PITPNM3: variants seen among roughly 807,000 people sequenced by gnomAD.
PITPNM3 encodes PITPNM family member 3.
A neutral mutation model predicts 102.0 loss-of-function variants in PITPNM3; 26 were observed. The ratio of observed to expected loss-of-function variants is 0.25; its 90% CI spans 0.19 to 0.35. The LOEUF (loss-of-function observed/expected upper bound fraction) is 0.35, where lower values mean the gene tolerates loss of function less well. Among genes scored for constraint, PITPNM3 ranks in the 10% least tolerant of loss-of-function variants. The pLI is 1.00. For missense variants in PITPNM3, 1,083 were observed against 1,346.1 expected, an observed-to-expected ratio of 0.80 and a Z score of 3.06; for synonymous variants, 578 against 558.6, an observed-to-expected ratio of 1.03 and a Z score of -0.49.
intron 4 of PITPNM3, among the ~76,000 whole-genome samples, chr17:6,499,321 A>G (rs1442643374): frequency 6.6e-6 from 1 of 152,198 alleles, no homozygotes; most frequent in East Asian, 1.9e-4. Context: ...ACTGCAGACA[A>G]GCCCTTGCAA....
intron 4 of PITPNM3, among the ~76,000 whole-genome samples, chr17:6,501,407 G>A (rs8064810): frequency 0.47 from 71,173 of 151,930 alleles, 16,887 homozygotes; most frequent in Middle Eastern, 0.66. Context: ...ATAGGCAAAT[G>A]AACCAGGCCC....
chr17:6,523,805 G>GC (rs1002961740), intron 3 of PITPNM3, among the ~76,000 whole-genome samples: 5 of 152,194 alleles, frequency 3.3e-5, no homozygotes, highest in South Asian at 2.1e-4. Context: ...CAGAGTCAGA[G>GC]CCCCCCCTTC....
chr17:6,542,150 G>C (rs1399637697), intron 1 of PITPNM3, among the ~76,000 whole-genome samples: 1 of 152,226 alleles, frequency 6.6e-6, no homozygotes, highest in African/African-American at 2.4e-5. Flanking sequence ...GCCTGCCCCT[G>C]GCTCCTCATG....
chr17:6,555,343 T>C (rs1270727401), intron 1 of PITPNM3, among the ~76,000 whole-genome samples: 1 of 151,612 alleles, frequency 6.6e-6, no homozygotes, highest in Non-Finnish European at 1.5e-5. Flanking sequence ...GGCTTGGGGG[T>C]GGATTGACAC....
At chr17:6,505,020 A>C (rs1907404220) in intron 3 of PITPNM3, among the ~76,000 whole-genome samples, 2 of 151,946 alleles carry the variant, frequency 1.3e-5, no homozygotes. Flanking sequence ...ACTAAAATAC[A>C]AAAACTAGCC....
intron 1 of PITPNM3, among the ~76,000 whole-genome samples, chr17:6,552,944 G>A (rs1185898243): frequency 1.3e-5 from 2 of 151,920 alleles, no homozygotes; most frequent in Non-Finnish European, 2.9e-5. Flanking sequence ...TTTTGTTTTT[G>A]TATTTTTAGT....
chr17:6,481,853 T>TAGAGAGAGAGAGAGAG (rs369845541), intron 6 of PITPNM3: 9 of 68,520 alleles, frequency 1.3e-4, no homozygotes, highest in African/African-American at 4.7e-4. Flanking sequence ...AATAGAATGA[T>TAGAGAGAGAGAGAGAG]AGAGAGAGAG....
intron 3 of PITPNM3, among the ~76,000 whole-genome samples, chr17:6,506,242 GA>G (rs897564605): frequency 2.1e-4 from 31 of 148,300 alleles, no homozygotes; most frequent in African/African-American, 3.2e-4. Flanking sequence ...TGTTCAAACA[GA>G]AAAAAAAAAT....
At chr17:6,542,077 C>A (rs965192556) in intron 1 of PITPNM3, among the ~76,000 whole-genome samples, 2 of 152,188 alleles carry the variant, frequency 1.3e-5, no homozygotes, top group Admixed American at 6.5e-5. Context: ...CTCTCCATTG[C>A]CCGCTCTCTT....
At chr17:6,555,194 G>A (rs1023995388) in intron 1 of PITPNM3, among the ~76,000 whole-genome samples, 1 of 152,208 alleles carries the variant, frequency 6.6e-6, no homozygotes, top group African/African-American at 2.4e-5. Context: ...CATACTGGCT[G>A]TGCCTCACAC....
intron 3 of PITPNM3, among the ~76,000 whole-genome samples, chr17:6,516,290 G>A (rs1394416875): frequency 3.3e-5 from 5 of 152,160 alleles, no homozygotes; most frequent in African/African-American, 7.2e-5. Context: ...TTGGCCGGGC[G>A]CCGTGGCTCA....
At chr17:6,546,371 C>A (rs1910020742) in intron 1 of PITPNM3, among the ~76,000 whole-genome samples, 1 of 152,354 alleles carries the variant, frequency 6.6e-6, no homozygotes, top group South Asian at 2.1e-4. Context: ...CAGAGGGGAT[C>A]ATCCATCCAT....
At chr17:6,474,714 CCAT>C in intron 9 of PITPNM3, 110 bp from the exon 10 acceptor site, 1 of 1,329,674 alleles carries the variant, frequency 7.5e-7, no homozygotes. Context: ...GCCCAACCCT[CCAT>C]CTCTGGGGCG....
intron 4 of PITPNM3, among the ~76,000 whole-genome samples, chr17:6,490,958 T>C (rs1597380541): frequency 9.4e-6 from 1 of 105,856 alleles, no homozygotes; most frequent in Non-Finnish European, 1.8e-5. Context: ...CAAGACTCTG[T>C]CACCAAAAAA....
At chr17:6,501,177 C>T (rs1907146573) in intron 4 of PITPNM3, among the ~76,000 whole-genome samples, 1 of 152,212 alleles carries the variant, frequency 6.6e-6, no homozygotes, top group African/African-American at 2.4e-5. Context: ...TGCTTCGGGG[C>T]TGCCGCTGTC....
chr17:6,499,539 C>T (rs986573294), intron 4 of PITPNM3, among the ~76,000 whole-genome samples: 1 of 152,154 alleles, frequency 6.6e-6, no homozygotes, highest in African/African-American at 2.4e-5. Flanking sequence ...TAAGATTCAT[C>T]ATCACATGGG....
At chr17:6,548,927 C>T (rs144738552) in intron 1 of PITPNM3, among the ~76,000 whole-genome samples, 4 of 152,238 alleles carry the variant, frequency 2.6e-5, no homozygotes, top group Non-Finnish European at 4.4e-5. Flanking sequence ...AGCTAACAGA[C>T]GGTTACTTCC....
At position 6,482,024 on chromosome 17, in the gene PITPNM3, CTCTCTCTCTCTG is replaced by C. The variant is rs1567670244; in HGVS notation, c.587+1481_587+1492del. ...TCTCTCTCTCTCTCTCTCTCTCTCT[CTCTCTCTCTCTG>C]TCTGTCTCTCTCTCTCTCTCTCTCT... On this transcript the variant is annotated intron_variant, in intron 6 of 19. Coordinates refer to ENST00000262483, the MANE Select transcript of PITPNM3 (RefSeq NM_031220.4). 1.6e-3 allele frequency among the ~76,000 whole-genome samples: 161 copies of C among 100,914 alleles called. 1 individual carries two copies. The highest frequency in any genetic ancestry group is 2.1e-3 in the South Asian group (6 of 2,830). 66.2% of individuals were successfully genotyped at this position (100,914 alleles called of 152,430 possible). A position where few individuals can be genotyped will look rare whatever the true frequency, so the allele number is the denominator to read the frequency against.
Position 6,478,650 on chromosome 17 carries a change from G to A in PITPNM3, c.674C>T (p.Ser225Phe). 1 of 1,613,822 alleles carries A rather than the reference G, an allele frequency of 6.2e-7. No individual in the cohort carries two copies. The highest frequency in any genetic ancestry group is 8.5e-7 in the Non-Finnish European group (1 of 1,179,906). Residue 225 changes from serine (S) to phenylalanine (F), a missense_variant, in exon 7 of 20, where the codon TCC becomes TTC. Physicochemically the swap from Ser to Phe is radical, Grantham distance 155 (BLOSUM62 -2). Around this residue, in one of 5 missense-constraint regions of PITPNM3, gnomAD observed 290 missense variants for 337.8 expected, o/e 0.86. Coordinates refer to ENST00000262483, the MANE Select transcript of PITPNM3 (RefSeq NM_031220.4). The surrounding 1 kb of genome is among the most constrained non-coding windows in gnomAD (Gnocchi z 4.4). ...PLAALPLLAI[S>F]SPQYQDAVAT... is the part of the protein sequence containing the mutation. ...GACAGCATCCTGGTACTGCGGGGAG[G>A]AGATGGCCAACAGGGGAAGGGCGGC...
Sources: allele counts gnomAD v4.1 joint callset (sites outside exome capture counted in the v4.1 genomes callset), GRCh38; gene constraint gnomAD v4.1.1; regional missense constraint gnomAD v4.1.1; non-coding constraint Gnocchi (gnomAD v3.1); transcripts MANE v1.5; gene names NCBI Gene and HGNC (gene_info 2026-07-23, HGNC 2026-07-21).